Variants in LRP11 observed in about 807,000 individuals in gnomAD.
LRP11 encodes low-density lipoprotein receptor-related protein 11.
In LRP11, 25 loss-of-function variants were observed where a neutral mutation model predicts 43.1. The ratio of observed to expected loss-of-function variants is 0.58; its 90% CI spans 0.42 to 0.81. The LOEUF (loss-of-function observed/expected upper bound fraction) is 0.81, where lower values mean the gene tolerates loss of function less well. Ranked by LOEUF, LRP11 falls within the 30% of genes least tolerant of loss-of-function variation. The pLI is 0.00. For synonymous variants in LRP11, 316 were observed against 299.4 expected, an observed-to-expected ratio of 1.06 and a Z score of -0.57; for missense variants, 623 against 665.1, an observed-to-expected ratio of 0.94 and a Z score of 0.70.
chr6:149,843,065 C>T lies in LRP11; in HGVS notation c.831G>A (p.Gln277=). 6.2e-7 allele frequency: 1 copy of T among 1,614,198 alleles called. No homozygotes were observed. The highest frequency in any genetic ancestry group is 8.5e-7 in the Non-Finnish European group (1 of 1,180,036). Residue 277 remains glutamine (Q), a synonymous_variant, in exon 3 of 7, where the codon CAG becomes CAA. Coordinates refer to ENST00000239367, the MANE Select transcript of LRP11 (RefSeq NM_032832.6). ...GCCCGGCAGTGTCCGTCACGGTCAGCTGGAAGGTGTAGGTTCCCTCCTGTA... is the reference window on the plus strand; with the variant it reads ...GCCCGGCAGTGTCCGTCACGGTCAGTTGGAAGGTGTAGGTTCCCTCCTGTA... ...SHLQEGTYTF[Q]LTVTDTAGQR...
At chr6:149,838,739 G>C (rs1013855467) in intron 3 of LRP11, among the ~76,000 whole-genome samples, 2 of 151,626 alleles carry the variant, frequency 1.3e-5, no homozygotes. Flanking sequence ...GAGTTCTTAG[G>C]AGCTTTTAAT....
At chr6:149,832,619 ACT>A (rs1776422898) in intron 5 of LRP11, among the ~76,000 whole-genome samples, 1 of 91,238 alleles carries the variant, frequency 1.1e-5, no homozygotes, top group Admixed American at 1.7e-4. Context: ...ACAACAATGT[ACT>A]TTTTTTTTTT....
intron 2 of LRP11, among the ~76,000 whole-genome samples, chr6:149,851,761 C>G (rs117316737): frequency 0.015 from 2,219 of 152,214 alleles, 28 homozygotes; most frequent in Non-Finnish European, 0.021. Context: ...GGAGGAGAGG[C>G]TGGGAAGGAT....
Position 149,837,480 on chromosome 6 carries a change from C to G in LRP11, c.914-17G>C, listed in dbSNP as rs1776489061. On this transcript the variant is annotated splice_polypyrimidine_tract_variant and intron_variant, in intron 3 of 6. Transcript: ENST00000239367. ...GCAAACATCCTATTTGTAAACAAAT[C>G]TCAAGTCACACGAGTGCAGAAGTTC... 3.7e-6 allele frequency: 6 copies of G among 1,611,800 alleles called. No homozygotes were observed. The highest frequency in any genetic ancestry group is 5.1e-6 in the Non-Finnish European group (6 of 1,178,904).
intron 3 of LRP11, among the ~76,000 whole-genome samples, chr6:149,837,987 GGCTCACTGCAAC>G (rs1370607947): frequency 6.6e-6 from 1 of 152,060 alleles, no homozygotes; most frequent in African/African-American, 2.4e-5. Flanking sequence ...GCACAATCTT[GGCTCACTGCAAC>G]CTCCGCCTCC....
At position 149,836,086 on chromosome 6, in the gene LRP11, T is replaced by C. The variant is rs763095126; in HGVS notation, c.1251A>G (p.Pro417=). 2 of 1,613,306 alleles carry C rather than the reference T, an allele frequency of 1.2e-6. No individual in the cohort carries two copies. The highest frequency in any genetic ancestry group is 1.7e-6 in the Non-Finnish European group (2 of 1,179,264). Residue 417 remains proline, a splice_region_variant and synonymous_variant, in exon 5 of 7, where the codon CCA becomes CCG. Transcript: ENST00000239367. ...TGAGAACCCACCGTGAATCCTTACCTGGCATCACAGGAATGATTTGACTCT... is the reference window on the plus strand; with the variant it reads ...TGAGAACCCACCGTGAATCCTTACCCGGCATCACAGGAATGATTTGACTCT... ...GPESQIIPVM[P]DSSSSGKNRK... is the part of the protein sequence containing the mutation.
rs146588515 is a variant in LRP11, at chr6:149,824,242, G to A, written c.1348+2022C>T. Among the ~76,000 whole-genome samples, 230 of 152,240 alleles carry A rather than the reference G, an allele frequency of 1.5e-3. 1 individual carries two copies. The highest frequency in any genetic ancestry group is 5.4e-3 in the African/African-American group (225 of 41,546). On this transcript the variant is annotated intron_variant, in intron 6 of 6. Coordinates refer to ENST00000239367, the MANE Select transcript of LRP11 (RefSeq NM_032832.6). ...GGTTGAAGATGCCAATCCCAATGCC[G>A]GGGCTCAGGTTTAGCTATGGTAACA...
chr6:149,836,231 G>A lies in LRP11; in HGVS notation c.1106C>T (p.Pro369Leu), dbSNP rs766774892. The A allele has an allele frequency of 5.0e-5, 80 of 1,613,986 alleles. 1 individual carries two copies. The South Asian group carries it at 5.2e-4, about 10-fold the overall frequency. ...GGAGTCACCCCCTGCATCTTCACTC[G>A]GCCCTGTGGTTCTTGGCAGGGCAGG... ...ASPALPRTTG[P>L]SEDAGGDSLV... The change falls in exon 5 of 7, where the codon CCG becomes CTG. Residue 369 changes from proline (P) to leucine (L), a missense_variant. Coordinates refer to ENST00000239367, the MANE Select transcript of LRP11 (RefSeq NM_032832.6).
rs201050390 is a variant in LRP11 at position 149,859,377 on chromosome 6, C to CATATATATATATATATATAT, written c.613+4011_613+4030dup. Among the ~76,000 whole-genome samples the CATATATATATATATATATAT allele has an allele frequency of 1.0e-3, 53 of 51,580 alleles. 1 individual carries two copies. Among genetic ancestry groups the CATATATATATATATATATAT allele is most frequent in the East Asian group, 6.5e-3 (4 of 620 alleles). 33.8% of individuals were successfully genotyped at this position (51,580 alleles called of 152,430 possible). On this transcript the variant is annotated intron_variant, in intron 1 of 6. Transcript: ENST00000239367. Reference sequence around the variant, plus strand: ...TTTATTTTTATTTTTCTTGCTGACTCATATATATATATATATATATTTTTT... The same window carrying CATATATATATATATATATAT: ...TTTATTTTTATTTTTCTTGCTGACTCATATATATATATATATATATATATATATATATATATATATTTTTT...
In LRP11 at chr6:149,861,045, G is replaced by A. The variant is rs140878500; in HGVS notation, c.613+2363C>T. 5.3e-5 allele frequency among the ~76,000 whole-genome samples: 8 copies of A among 152,262 alleles called. No individual in the cohort carries two copies. The East Asian group carries it at 1.5e-3, about 29-fold the overall frequency. On this transcript the variant is annotated intron_variant, in intron 1 of 6. Coordinates refer to ENST00000239367, the MANE Select transcript of LRP11 (RefSeq NM_032832.6). Reference sequence around the variant, plus strand: ...GGCTGGTGTGTCCTGCTGTAAGTTCGTGCTATCCCATCACCATTTCTTCAT... The same window carrying A: ...GGCTGGTGTGTCCTGCTGTAAGTTCATGCTATCCCATCACCATTTCTTCAT...
chr6:149,842,761 T>A, intron 3 of LRP11: 1 of 1,396,032 alleles, frequency 7.2e-7, no homozygotes, highest in Non-Finnish European at 9.9e-7. Context: ...TCTCTTCTCA[T>A]CCCCTGGAGT....
chr6:149,846,444 G>T (rs996005491), intron 2 of LRP11, among the ~76,000 whole-genome samples: 1 of 152,158 alleles, frequency 6.6e-6, no homozygotes, highest in Non-Finnish European at 1.5e-5. Context: ...CAGCTGCTCC[G>T]CCTGAAAGCA....
chr6:149,859,396 A>ATATATATATATATATTTTTTTTTTT, intron 1 of LRP11, among the ~76,000 whole-genome samples: 1 of 71,496 alleles, frequency 1.4e-5, no homozygotes, highest in Non-Finnish European at 2.3e-5. Context: ...ATATATATAT[A>ATATATATATATATATTTTTTTTTTT]TTTTTTTTTT....
At chr6:149,841,720 T>C (rs1233983318) in intron 3 of LRP11, among the ~76,000 whole-genome samples, 2 of 151,978 alleles carry the variant, frequency 1.3e-5, no homozygotes, top group Admixed American at 1.3e-4. Flanking sequence ...CGAGACCAGG[T>C]TGGCCAACAT....
Position 149,847,279 on chromosome 6 carries a change from GC to G in LRP11, c.772-4156del, listed in dbSNP as rs1250447574. Among the ~76,000 whole-genome samples, 9 of 152,314 alleles carry G rather than the reference GC, an allele frequency of 5.9e-5. No individual in the cohort carries two copies. The East Asian group carries it at 1.7e-3, about 29-fold the overall frequency. On this transcript the variant is annotated intron_variant, in intron 2 of 6. Transcript: ENST00000239367. Reference sequence around the variant, plus strand: ...GCCTTGGCATGCTTCCCCCCTGCCTGCCCAGGCACTGCCTCTCTGATACAGG... The same window carrying G: ...GCCTTGGCATGCTTCCCCCCTGCCTGCCAGGCACTGCCTCTCTGATACAGG...
At chr6:149,830,005 C>T (rs1484072200) in intron 5 of LRP11, among the ~76,000 whole-genome samples, 2 of 146,918 alleles carry the variant, frequency 1.4e-5, no homozygotes, top group African/African-American at 5.0e-5. Context: ...GATTATTATC[C>T]TCTTTTTTTT....
chr6:149,839,068 T>G (rs1029349426), intron 3 of LRP11, among the ~76,000 whole-genome samples: 3 of 151,632 alleles, frequency 2.0e-5, no homozygotes, highest in African/African-American at 7.3e-5. Flanking sequence ...TTTGTTTTTT[T>G]TTTTTTTGTA....
intron 2 of LRP11, among the ~76,000 whole-genome samples, chr6:149,848,344 C>T (rs1776670232): frequency 6.6e-6 from 1 of 152,126 alleles, no homozygotes; most frequent in Non-Finnish European, 1.5e-5. Flanking sequence ...TAACTAAAAA[C>T]AGAACTATCA....
intron 5 of LRP11, among the ~76,000 whole-genome samples, chr6:149,835,561 T>A (rs1776460282): frequency 6.6e-6 from 1 of 152,170 alleles, no homozygotes; most frequent in African/African-American, 2.4e-5. Flanking sequence ...TGAGCTGTGA[T>A]CGCGTCACTG....
Sources: gnomAD v4.1 joint callset for allele counts (sites outside exome capture counted in the v4.1 genomes callset) on GRCh38, gnomAD v4.1.1 for gene constraint, MANE v1.5 for transcripts, NCBI Gene and HGNC (gene_info 2026-07-23, HGNC 2026-07-21) for gene names.